Variants in ABCB9 observed in about 807,000 individuals in gnomAD.
The protein encoded by ABCB9 is ATP binding cassette subfamily B member 9, also known as ABC-type oligopeptide transporter ABCB9.
ABCB9 carries 36 observed loss-of-function variants against 62.0 expected under a neutral mutation model. The observed-to-expected ratio is 0.58, with a 90% confidence interval of 0.45 to 0.77. ABCB9 has a LOEUF of 0.77. Among genes scored for constraint, ABCB9 ranks in the 30% least tolerant of loss-of-function variants. The pLI is 0.00. For missense variants in ABCB9, 943 were observed against 1,054.7 expected (o/e 0.89, Z 1.47); for synonymous variants, 435 against 461.4 (o/e 0.94, Z 0.73).
chr12:122,953,483 G>A (rs1460535840), intron 2 of ABCB9, among the ~76,000 whole-genome samples: 1 of 152,158 alleles, frequency 6.6e-6, no homozygotes, highest in Non-Finnish European at 1.5e-5. Flanking sequence ...TGCCACCTGG[G>A]TTCAAGTGAT....
At chr12:122,970,495 G>A (rs1330236495), upstream of ABCB9, among the ~76,000 whole-genome samples, 1 of 152,100 alleles carries the variant, frequency 6.6e-6, no homozygotes, top group Non-Finnish European at 1.5e-5. Flanking sequence ...TGATCCACCT[G>A]CCTCGGCCTC....
intron 9 of ABCB9, 30 bp from the exon 10 acceptor site, chr12:122,935,461 G>A (rs1461483560): frequency 6.2e-7 from 1 of 1,600,436 alleles, no homozygotes; most frequent in Non-Finnish European, 8.5e-7. Context: ...GAGCATGAGA[G>A]GCCAGGAATG....
chr12:122,926,885 G>A (rs772054271), downstream of ABCB9, among the ~76,000 whole-genome samples: 6 of 152,292 alleles, frequency 3.9e-5, no homozygotes, highest in Non-Finnish European at 7.4e-5. Flanking sequence ...GGGCAATAGA[G>A]CAAGAACCTG....
At position 122,932,052 on chromosome 12, in the gene ABCB9, A is replaced by C. The variant is rs2135760561; in HGVS notation, c.2040+140T>G. 6.9e-7 allele frequency: 1 copy of C among 1,450,662 alleles called. No individual in the cohort carries two copies. The highest frequency in any genetic ancestry group is 9.3e-7 in the Non-Finnish European group (1 of 1,071,924). The allele number at this position is 1,450,662 out of a possible 1,614,324, so 89.9% of individuals were successfully genotyped here. ...CTGGCTCCCCACTCTCAACACCAGG[A>C]ATTCACCAGCCCAGGAGGCTGATAG... On this transcript the variant is annotated intron_variant, in intron 11 of 11. Transcript: ENST00000280560. This position sits in a 1 kb window ranked among gnomAD's most constrained non-coding sequence, Gnocchi z 4.7.
At chr12:122,945,450 G>A (rs2035982220) in intron 6 of ABCB9, among the ~76,000 whole-genome samples, 1 of 152,096 alleles carries the variant, frequency 6.6e-6, no homozygotes, top group Admixed American at 6.5e-5. Flanking sequence ...GCTGTGACAT[G>A]AGACCTGCCC....
At chr12:122,967,637 C>T (rs73408887), upstream of ABCB9, among the ~76,000 whole-genome samples, 3,839 of 152,266 alleles carry the variant, frequency 0.025, 146 homozygotes, top group African/African-American at 0.086. Flanking sequence ...TACAGGTGTC[C>T]GCTACCACGC....
Position 122,960,213 on chromosome 12 carries a change from A to G in ABCB9, c.23T>C (p.Val8Ala), listed in dbSNP as rs1215507604. The G allele has an allele frequency of 6.2e-7, 1 of 1,612,104 alleles. No homozygotes were observed. Among genetic ancestry groups the G allele is most frequent in the Admixed American group, 1.7e-5 (1 of 60,010 alleles). Reference sequence around the variant, plus strand: ...CACACTCATGAAGGCCAAAGTCACCACCACCGCCTTCCACAGCCGCATCCT... The same window carrying G: ...CACACTCATGAAGGCCAAAGTCACCGCCACCGCCTTCCACAGCCGCATCCT... Reference protein sequence around the residue: MRLWKAVVVTLAFMSVDI... With the variant: MRLWKAVAVTLAFMSVDI... The change falls in exon 2 of 12, where the codon GTG becomes GCG. Residue 8 changes from valine to alanine, a missense_variant. Physicochemically the swap from Val to Ala is moderately conservative, Grantham distance 64. Coordinates refer to ENST00000280560, the MANE Select transcript of ABCB9 (RefSeq NM_019625.4).
chr12:122,935,169 CAAAA>C, intron 10 of ABCB9, 99 bp downstream of exon 10: 1 of 1,356,534 alleles, frequency 7.4e-7, no homozygotes, highest in Non-Finnish European at 9.7e-7. Context: ...CCCATCTCTA[CAAAA>C]AAAAGAGCAG....
intron 11 of ABCB9, among the ~76,000 whole-genome samples, chr12:122,922,681 G>T (rs1054916743): frequency 6.6e-6 from 1 of 151,964 alleles, no homozygotes; most frequent in African/African-American, 2.4e-5. Flanking sequence ...ACCCAGCCAA[G>T]TCTATTTTTA....
At chr12:122,924,896 A>C, downstream of ABCB9, 3 of 1,360,340 alleles carry the variant, frequency 2.2e-6, no homozygotes, top group Non-Finnish European at 3.0e-6. Context: ...AACTCTCCAC[A>C]CCCACCAGGA....
rs549126403 is a variant in ABCB9 at position 122,956,963 on chromosome 12, T to A, written c.601+2672A>T. Among the ~76,000 whole-genome samples, 29 of 152,128 alleles carry A rather than the reference T, an allele frequency of 1.9e-4. No homozygotes were observed. In the East Asian group the frequency reaches 5.2e-3, roughly 27 times the overall value. On this transcript the variant is annotated intron_variant, in intron 2 of 11. Coordinates refer to ENST00000280560, the MANE Select transcript of ABCB9 (RefSeq NM_019625.4). ...ATGAGCCACCGCGCCCAGCTTAAAA[T>A]TTTTAAAACTCATAATAGCTAACAA... is the stretch of plus-strand genomic sequence containing the variant.
chr12:122,931,708 A>G (rs375856048), intron 11 of ABCB9: 2 of 172,304 alleles, frequency 1.2e-5, no homozygotes, highest in East Asian at 3.4e-4. Flanking sequence ...CAGTGGCACA[A>G]TCTCGGCTGA....
chr12:122,971,624 G>A (rs755160228), intron 1 of ABCB9, among the ~76,000 whole-genome samples: 20 of 151,774 alleles, frequency 1.3e-4, no homozygotes, highest in South Asian at 2.1e-4. Flanking sequence ...GCTAATTTTC[G>A]TATTTTTCAT....
chr12:122,961,800 C>T (rs1453738138), intron 1 of ABCB9, among the ~76,000 whole-genome samples: 2 of 152,358 alleles, frequency 1.3e-5, no homozygotes, highest in Non-Finnish European at 2.9e-5. Context: ...AACCTGTTTC[C>T]TCATTTGCAA....
intron 1 of ABCB9, among the ~76,000 whole-genome samples, chr12:122,961,311 C>G (rs572723119): frequency 2.6e-5 from 4 of 152,144 alleles, no homozygotes; most frequent in African/African-American, 9.7e-5. Context: ...CCTCAGCCCC[C>G]CAAGTAGCTG....
rs1396523183 is a variant in ABCB9, at chr12:122,959,929, G to A, written c.307C>T (p.Leu103Phe). ...ATGGGCCTGCGCACCTCTGAGAAGA[G>A]CAGCAGCTTCACCATGGCATAGATG... is the stretch of plus-strand genomic sequence containing the variant. ...VGIYAMVKLL[L>F]FSEVRRPIRD... The change falls in exon 2 of 12, where the codon CTC (leucine) becomes TTC (phenylalanine). Residue 103 changes from leucine (L) to phenylalanine (F), a missense_variant. By Grantham distance (22) the Leu-to-Phe change is conservative (BLOSUM62 0). Transcript: ENST00000280560. The surrounding 1 kb of genome is among the most constrained non-coding windows in gnomAD (Gnocchi z 5.4). The A allele has an allele frequency of 6.2e-7, 1 of 1,613,418 alleles. No homozygotes were observed. The highest frequency in any genetic ancestry group is 8.5e-7 in the Non-Finnish European group (1 of 1,179,944).
rs767946076 is a variant in ABCB9 at position 122,940,060 on chromosome 12, C to T, written c.1743+51G>A. The T allele has an allele frequency of 2.7e-5, 42 of 1,562,364 alleles. No homozygotes were observed. Among genetic ancestry groups the T allele is most frequent in the East Asian group, 1.4e-4 (6 of 42,968 alleles). On this transcript the variant is annotated intron_variant, in intron 9 of 11. Coordinates refer to ENST00000280560, the MANE Select transcript of ABCB9 (RefSeq NM_019625.4). The surrounding 1 kb of genome is among the most constrained non-coding windows in gnomAD (Gnocchi z 4.8). ...CACCTGTTACAGCTCACAAGAAAGA[C>T]GGTTAGATGCAGAAAGGGCGGAGAA... is the stretch of plus-strand genomic sequence containing the variant.
chr12:122,951,279 A>C, intron 2 of ABCB9, among the ~76,000 whole-genome samples: 1 of 132,338 alleles, frequency 7.6e-6, no homozygotes, highest in Non-Finnish European at 1.6e-5. Flanking sequence ...ACAGGGTTTC[A>C]CTCCTGTCGC....
At chr12:122,965,812 G>A (rs1490340849) in intron 1 of ABCB9, among the ~76,000 whole-genome samples, 2 of 152,146 alleles carry the variant, frequency 1.3e-5, no homozygotes, top group African/African-American at 4.8e-5. Context: ...GGATGGCGGG[G>A]AGCAGCGGCA....
Sources: gnomAD v4.1 joint callset for allele counts (sites outside exome capture counted in the v4.1 genomes callset) on GRCh38, gnomAD v4.1.1 for gene constraint, Gnocchi (gnomAD v3.1) non-coding constraint, MANE v1.5 for transcripts, NCBI Gene and HGNC (gene_info 2026-07-23, HGNC 2026-07-21) for gene names.